Variants in GRIN2B observed in about 807,000 individuals in gnomAD.
GRIN2B encodes glutamate receptor ionotropic, NMDA 2B.
GRIN2B carries 5 observed loss-of-function variants against 114.5 expected under a neutral mutation model. The ratio of observed to expected loss-of-function variants is 0.04; its 90% CI spans 0.02 to 0.09. GRIN2B has a LOEUF of 0.09. Among genes scored for constraint, GRIN2B ranks in the 10% least tolerant of loss-of-function variants. The probability of loss-of-function intolerance (pLI) is 1.00; values close to 1 mark genes in which losing one functional copy is unlikely to be tolerated. For synonymous variants in GRIN2B, 787 were observed against 745.1 expected, an observed-to-expected ratio of 1.06 and a Z score of -0.92; for missense variants, 1,108 against 1,943.5, an observed-to-expected ratio of 0.57 and a Z score of 8.08.
intron 2 of GRIN2B, among the ~76,000 whole-genome samples, chr12:13,928,235 A>G (rs1866954052): frequency 6.6e-6 from 1 of 150,600 alleles, no homozygotes; most frequent in African/African-American, 2.4e-5. Context: ...CCCAGGAGGT[A>G]GAGGTTGTGA....
rs1948358576 is a variant in GRIN2B, at chr12:13,547,546, G to A, written c.*15237C>T. ...AGAATGTTTGACTGGCAATGGCCAG[G>A]TAGATTTCACCATTATGTAACAAAG... On this transcript the variant is annotated 3_prime_UTR_variant, in exon 14 of 14. Transcript: ENST00000609686. 6.6e-6 allele frequency: 1 copy of A among 152,144 alleles called. No homozygotes were observed. The highest frequency in any genetic ancestry group is 2.1e-4 in the South Asian group (1 of 4,830). 9.4% of individuals were successfully genotyped at this position (152,144 alleles called of 1,614,324 possible). A position where few individuals can be genotyped will look rare whatever the true frequency, so the allele number is the denominator to read the frequency against.
At chr12:13,969,342 A>G (rs899846654) in intron 2 of GRIN2B, among the ~76,000 whole-genome samples, 6 of 152,354 alleles carry the variant, frequency 3.9e-5, no homozygotes, top group African/African-American at 9.6e-5. Flanking sequence ...AAGCAACTCT[A>G]TATAATTTAA....
chr12:13,889,076 T>C (rs1377725670), intron 2 of GRIN2B, among the ~76,000 whole-genome samples: 4 of 152,228 alleles, frequency 2.6e-5, no homozygotes, highest in Admixed American at 2.0e-4. Context: ...TTTCTGTATA[T>C]CCTCATTCTA....
At chr12:13,905,292 T>G (rs946760131) in intron 2 of GRIN2B, among the ~76,000 whole-genome samples, 4 of 152,224 alleles carry the variant, frequency 2.6e-5, no homozygotes, top group African/African-American at 9.6e-5. Flanking sequence ...TCCAGTTCAC[T>G]AATTCTCTCT....
intron 2 of GRIN2B, among the ~76,000 whole-genome samples, chr12:13,952,902 A>AC: frequency 6.6e-6 from 1 of 151,424 alleles, no homozygotes; most frequent in Middle Eastern, 3.4e-3. Context: ...ATAACAAACC[A>AC]CCCCAAAACT....
intron 4 of GRIN2B, among the ~76,000 whole-genome samples, chr12:13,706,723 T>C (rs932080929): frequency 2.6e-5 from 4 of 152,104 alleles, no homozygotes; most frequent in Admixed American, 2.6e-4. Context: ...TAAACTGGAA[T>C]GTCAGAACTG....
intron 3 of GRIN2B, among the ~76,000 whole-genome samples, chr12:13,825,502 G>T (rs1241387901): frequency 1.7e-4 from 21 of 122,042 alleles, no homozygotes; most frequent in Non-Finnish European, 2.1e-4. Flanking sequence ...TATTTTGTGT[G>T]TGTGTGTGTG....
intron 3 of GRIN2B, among the ~76,000 whole-genome samples, chr12:13,837,279 G>A (rs1487108760): frequency 6.6e-6 from 1 of 152,180 alleles, no homozygotes; most frequent in African/African-American, 2.4e-5. Flanking sequence ...CCAACCAAGA[G>A]CAGATCTTTC....
chr12:13,707,474 A>G (rs1368932443), intron 4 of GRIN2B, among the ~76,000 whole-genome samples: 1 of 152,152 alleles, frequency 6.6e-6, no homozygotes. Flanking sequence ...AGAGATGCCC[A>G]TTTGCTATAC....
intron 5 of GRIN2B, among the ~76,000 whole-genome samples, chr12:13,618,706 C>T (rs769770393): frequency 1.3e-5 from 2 of 152,192 alleles, no homozygotes; most frequent in African/African-American, 2.4e-5. Flanking sequence ...TACATTGAGT[C>T]TAGCCTACCT....
chr12:13,957,577 T>C (rs1234915896), intron 2 of GRIN2B, among the ~76,000 whole-genome samples: 1 of 152,186 alleles, frequency 6.6e-6, no homozygotes, highest in East Asian at 1.9e-4. Flanking sequence ...TCCCATGACC[T>C]GTCTCCTGTG....
intron 3 of GRIN2B, among the ~76,000 whole-genome samples, chr12:13,777,284 G>A (rs904757554): frequency 6.6e-6 from 1 of 152,114 alleles, no homozygotes; most frequent in African/African-American, 2.4e-5. Flanking sequence ...CCAACTTCCT[G>A]GAGAAGCTTC....
chr12:13,901,257 T>C (rs1046276358), intron 2 of GRIN2B, among the ~76,000 whole-genome samples: 1 of 152,170 alleles, frequency 6.6e-6, no homozygotes, highest in African/African-American at 2.4e-5. Flanking sequence ...TTTTCATATG[T>C]TTATTGGCCA....
chr12:13,705,246 C>T (rs577393593), intron 4 of GRIN2B, among the ~76,000 whole-genome samples: 1 of 152,222 alleles, frequency 6.6e-6, no homozygotes, highest in East Asian at 1.9e-4. Flanking sequence ...CCATAAACCA[C>T]AAAGCCATTT....
intron 2 of GRIN2B, among the ~76,000 whole-genome samples, chr12:13,953,210 C>A (rs552440050): frequency 1.3e-5 from 2 of 152,014 alleles, no homozygotes; most frequent in Non-Finnish European, 2.9e-5. Flanking sequence ...ACAAATGAAC[C>A]GAGGGAACCA....
At chr12:13,862,350 C>T (rs187933447) in intron 3 of GRIN2B, among the ~76,000 whole-genome samples, 7 of 152,330 alleles carry the variant, frequency 4.6e-5, no homozygotes, top group Admixed American at 3.3e-4. Flanking sequence ...GTAATGCAAT[C>T]ATCCACAAGA....
chr12:13,585,943 T>C (rs1397991850), intron 10 of GRIN2B, among the ~76,000 whole-genome samples: 4 of 152,242 alleles, frequency 2.6e-5, no homozygotes, highest in African/African-American at 9.6e-5. Context: ...CTCAGGCTTT[T>C]AGGACTAATG....
At chr12:13,911,328 TG>T (rs1469374736) in intron 2 of GRIN2B, among the ~76,000 whole-genome samples, 1 of 152,192 alleles carries the variant, frequency 6.6e-6, no homozygotes, top group Non-Finnish European at 1.5e-5. Context: ...ATGTCAGATC[TG>T]TGCACATCAA....
intron 5 of GRIN2B, among the ~76,000 whole-genome samples, chr12:13,621,841 C>T (rs1949521126): frequency 6.6e-6 from 1 of 152,024 alleles, no homozygotes; most frequent in Admixed American, 6.5e-5. Context: ...CAAAGTCTTC[C>T]TTCTGCTAAC....
Sources: gnomAD v4.1 joint callset for allele counts (sites outside exome capture counted in the v4.1 genomes callset) on GRCh38, gnomAD v4.1.1 for gene constraint, MANE v1.5 for transcripts, NCBI Gene and HGNC (gene_info 2026-07-23, HGNC 2026-07-21) for gene names.